The following LRRTM4 variants were observed in gnomAD, a reference collection of about 807,000 sequenced individuals.
LRRTM4 encodes leucine rich repeat transmembrane neuronal 4.
In LRRTM4, 25 loss-of-function variants were observed where a neutral mutation model predicts 47.6. That is an observed-to-expected ratio of 0.53 (90% CI 0.38 to 0.73). The LOEUF (loss-of-function observed/expected upper bound fraction) is 0.73. Among genes scored for constraint, LRRTM4 ranks in the 30% least tolerant of loss-of-function variants. The probability of loss-of-function intolerance (pLI) is 0.00; values close to 1 mark genes in which losing one functional copy is unlikely to be tolerated. For synonymous variants in LRRTM4, 311 were observed against 269.5 expected, an observed-to-expected ratio of 1.15 and a Z score of -1.51; for missense variants, 638 against 713.4, an observed-to-expected ratio of 0.89 and a Z score of 1.20.
At chr2:76,998,565 A>G (rs1262231255) in intron 3 of LRRTM4, among the ~76,000 whole-genome samples, 1 of 152,134 alleles carries the variant, frequency 6.6e-6, no homozygotes, top group African/African-American at 2.4e-5. Flanking sequence ...AAACTTCAGG[A>G]TGAGACCCAG....
At chr2:76,974,157 T>TATATATATATACATATATATACATAC (rs1558771425) in intron 3 of LRRTM4, among the ~76,000 whole-genome samples, 8 of 82,244 alleles carry the variant, frequency 9.7e-5, no homozygotes, top group Non-Finnish European at 1.9e-4. Flanking sequence ...TATACATACA[T>TATATATATATACATATATATACATAC]ATATATATAT....
At chr2:77,291,226 T>TG (rs1482778965) in intron 3 of LRRTM4, among the ~76,000 whole-genome samples, 1 of 152,046 alleles carries the variant, frequency 6.6e-6, no homozygotes, top group African/African-American at 2.4e-5. Flanking sequence ...GTATGCATCT[T>TG]GGGGGTTAAT....
chr2:77,094,158 G>A lies in LRRTM4; in HGVS notation c.1552-345242C>T, dbSNP rs139865892. On this transcript the variant is annotated intron_variant, in intron 3 of 3. Transcript: ENST00000409884. ...ATTTTATACACCACCAACAAAAAAA[G>A]CAATTTAAAAACATTCCATGTATAA... Among the ~76,000 whole-genome samples, 12 of 152,022 alleles carry A rather than the reference G, an allele frequency of 7.9e-5. No individual in the cohort carries two copies. In the South Asian group the frequency reaches 1.0e-3, roughly 13 times the overall value.
chr2:77,521,715 C>G lies in LRRTM4; in HGVS notation c.-44G>C. 6.2e-7 allele frequency: 1 copy of G among 1,610,764 alleles called. No homozygotes were observed. The highest frequency in any genetic ancestry group is 8.5e-7 in the Non-Finnish European group (1 of 1,178,416). On this transcript the variant is annotated 5_prime_UTR_variant, in exon 2 of 4. Transcript: ENST00000409884. ...GTTTCCCCCCTCTCTCAGCTTTCTT[C>G]TTATTTGGTCTCTTGTGCGGAAACC...
chr2:77,256,504 T>C (rs1675771016), intron 3 of LRRTM4, among the ~76,000 whole-genome samples: 3 of 152,054 alleles, frequency 2.0e-5, no homozygotes, highest in Admixed American at 2.0e-4. Flanking sequence ...AATTGAATCA[T>C]GGGGGTGCAT....
intron 3 of LRRTM4, among the ~76,000 whole-genome samples, chr2:76,968,034 T>TA (rs1381026527): frequency 6.6e-6 from 1 of 151,350 alleles, no homozygotes; most frequent in Non-Finnish European, 1.5e-5. Flanking sequence ...CAAAAATGGA[T>TA]AAAAAGATTA....
At position 76,748,666 on chromosome 2, in the gene LRRTM4, A is replaced by C; in HGVS notation, c.*29T>G. On this transcript the variant is annotated 3_prime_UTR_variant, in exon 4 of 4. Coordinates refer to ENST00000409884, the MANE Select transcript of LRRTM4 (RefSeq NM_001134745.3). ...TGAAGGCCCTCCCTCCCCCCCATGG[A>C]GCTCCCCAGTGAGGAGTTGGCTTCA... The C allele has an allele frequency of 8.2e-5, 69 of 843,990 alleles. No homozygotes were observed. The highest frequency in any genetic ancestry group is 1.1e-4 in the Non-Finnish European group (58 of 513,318). The allele number at this position is 843,990 out of a possible 1,614,324, so 52.3% of individuals were successfully genotyped here. A position where few individuals can be genotyped will look rare whatever the true frequency, so the allele number is the denominator to read the frequency against.
rs182732722 is a variant in LRRTM4, at chr2:77,228,095, T to G, written c.1551+290223A>C. On this transcript the variant is annotated intron_variant, in intron 3 of 3. Coordinates refer to ENST00000409884, the MANE Select transcript of LRRTM4 (RefSeq NM_001134745.3). ...TGAAACAGGACACAATTATAAATTCTTATAGCACAATGCAAACCTGGGCAG... is the reference window on the plus strand; with the variant it reads ...TGAAACAGGACACAATTATAAATTCGTATAGCACAATGCAAACCTGGGCAG... Among the ~76,000 whole-genome samples, 48 of 152,182 alleles carry G rather than the reference T, an allele frequency of 3.2e-4. No individual in the cohort carries two copies. In the East Asian group the frequency reaches 8.1e-3, roughly 26 times the overall value.
At chr2:77,172,057 CT>C (rs1329425574) in intron 3 of LRRTM4, among the ~76,000 whole-genome samples, 1 of 152,126 alleles carries the variant, frequency 6.6e-6, no homozygotes. Flanking sequence ...TGATGTTATC[CT>C]AGATATCTGC....
chr2:76,922,389 G>A (rs946452261), intron 3 of LRRTM4, among the ~76,000 whole-genome samples: 6 of 152,000 alleles, frequency 3.9e-5, no homozygotes, highest in African/African-American at 7.2e-5. Context: ...TGCACAAAGT[G>A]GGAAGTGCCA....
chr2:77,438,007 C>G (rs1209887351), intron 3 of LRRTM4, among the ~76,000 whole-genome samples: 3 of 152,078 alleles, frequency 2.0e-5, no homozygotes, highest in Non-Finnish European at 4.4e-5. Flanking sequence ...CACAATTATT[C>G]TATAAATGGC....
chr2:76,858,653 A>C (rs2103999434), intron 3 of LRRTM4, among the ~76,000 whole-genome samples: 1 of 152,300 alleles, frequency 6.6e-6, no homozygotes, highest in East Asian at 1.9e-4. Flanking sequence ...TCAAGTAATA[A>C]ATAGATATTT....
At chr2:76,758,043 C>T (rs557774813) in intron 3 of LRRTM4, among the ~76,000 whole-genome samples, 5 of 152,228 alleles carry the variant, frequency 3.3e-5, no homozygotes, top group Admixed American at 6.5e-5. Context: ...TTAGAGTAGC[C>T]TATTTCAGTT....
intron 3 of LRRTM4, among the ~76,000 whole-genome samples, chr2:77,055,805 G>T (rs1307758341): frequency 3.3e-5 from 5 of 151,942 alleles, no homozygotes; most frequent in African/African-American, 1.2e-4. Context: ...GTCCAACAAT[G>T]ATAGATTGGA....
At position 76,792,858 on chromosome 2, in the gene LRRTM4, G is replaced by A. The variant is rs150313656; in HGVS notation, c.1552-43942C>T. Among the ~76,000 whole-genome samples, 422 of 152,230 alleles carry A rather than the reference G, an allele frequency of 2.8e-3. 4 individuals are homozygous for A. Among genetic ancestry groups the A allele is most frequent in the African/African-American group, 9.5e-3 (393 of 41,542 alleles). The stretch of plus-strand genomic sequence containing the variant: ...CACATTCAAAGCAGTAAACTGGAGC[G>A]AGATCACTCTTGCATTGCTTAATGT... On this transcript the variant is annotated intron_variant, in intron 3 of 3. Coordinates refer to ENST00000409884, the MANE Select transcript of LRRTM4 (RefSeq NM_001134745.3).
chr2:76,910,840 T>C (rs544663377), intron 3 of LRRTM4, among the ~76,000 whole-genome samples: 2 of 152,330 alleles, frequency 1.3e-5, no homozygotes, highest in South Asian at 2.1e-4. Context: ...GATTATGTCA[T>C]TAGAGCCTAT....
intron 3 of LRRTM4, among the ~76,000 whole-genome samples, chr2:76,780,342 C>T (rs375289558): frequency 5.9e-5 from 9 of 152,122 alleles, no homozygotes; most frequent in African/African-American, 2.2e-4. Flanking sequence ...CCTGGATAAT[C>T]TCCTGCAGAG....
intron 3 of LRRTM4, among the ~76,000 whole-genome samples, chr2:77,267,918 C>G (rs1676091364): frequency 1.3e-5 from 2 of 152,220 alleles, no homozygotes; most frequent in Middle Eastern, 3.4e-3. Flanking sequence ...CTAAAAATGT[C>G]CTTATGAAAA....
At chr2:76,774,645 C>G (rs571050641) in intron 3 of LRRTM4, among the ~76,000 whole-genome samples, 1 of 152,212 alleles carries the variant, frequency 6.6e-6, no homozygotes, top group African/African-American at 2.4e-5. Flanking sequence ...GTCTTGCTGT[C>G]TCAGGGGTGA....
Sources: gnomAD v4.1 joint callset for allele counts (sites outside exome capture counted in the v4.1 genomes callset) on GRCh38, gnomAD v4.1.1 for gene constraint, MANE v1.5 for transcripts, NCBI Gene and HGNC (gene_info 2026-07-23, HGNC 2026-07-21) for gene names.